TBC1D22A: variants seen among roughly 807,000 people sequenced by gnomAD.
The protein encoded by TBC1D22A is TBC1 domain family member 22A, also known as putative GTPase activator.
A neutral mutation model predicts 60.2 loss-of-function variants in TBC1D22A; 38 were observed. The ratio of observed to expected loss-of-function variants is 0.63; its 90% confidence interval spans 0.49 to 0.83. The LOEUF (loss-of-function observed/expected upper bound fraction) is 0.83. Among genes scored for constraint, TBC1D22A ranks in the 40% least tolerant of loss-of-function variants. The probability of loss-of-function intolerance (pLI) is 0.00; values close to 1 mark genes in which losing one functional copy is unlikely to be tolerated. For synonymous variants in TBC1D22A, 302 were observed against 281.7 expected, an observed-to-expected ratio of 1.07 and a Z score of -0.72; for missense variants, 628 against 701.0, an observed-to-expected ratio of 0.90 and a Z score of 1.18.
chr22:46,819,446 A>C (rs967337235), intron 4 of TBC1D22A, among the ~76,000 whole-genome samples: 24 of 151,936 alleles, frequency 1.6e-4, no homozygotes, highest in African/African-American at 5.8e-4. Flanking sequence ...ACATGAAGGG[A>C]TGTGATGTTG....
At chr22:46,981,562 A>G (rs558014665) in intron 9 of TBC1D22A, among the ~76,000 whole-genome samples, 10 of 152,326 alleles carry the variant, frequency 6.6e-5, no homozygotes, top group African/African-American at 2.4e-4. Context: ...TTCTCTTGAT[A>G]GTGAGTGAGT....
chr22:46,782,714 T>C (rs5767353), intron 1 of TBC1D22A, among the ~76,000 whole-genome samples: 80,629 of 152,022 alleles, frequency 0.53, 21,462 homozygotes, highest in Middle Eastern at 0.65. Flanking sequence ...CTGGATGTTG[T>C]ATGTCGGTGG....
In TBC1D22A at chr22:46,974,272, A is replaced by C; in HGVS notation, c.1016-18A>C. On this transcript the variant is annotated intron_variant, in intron 8 of 12. Coordinates refer to ENST00000337137, the MANE Select transcript of TBC1D22A (RefSeq NM_014346.5). Reference sequence around the variant, plus strand: ...GTGGCTAAGTCTCCTTGTCTTTTGCATGCTCGGCGCCGCCCAGAGGCAGAG... The same window carrying C: ...GTGGCTAAGTCTCCTTGTCTTTTGCCTGCTCGGCGCCGCCCAGAGGCAGAG... The C allele has an allele frequency of 6.4e-7, 1 of 1,569,370 alleles. No individual in the cohort carries two copies. Among genetic ancestry groups the C allele is most frequent in the Non-Finnish European group, 8.6e-7 (1 of 1,157,172 alleles).
At chr22:47,041,990 G>T (rs958076565) in intron 11 of TBC1D22A, among the ~76,000 whole-genome samples, 1 of 152,212 alleles carries the variant, frequency 6.6e-6, no homozygotes, top group Admixed American at 6.5e-5. Flanking sequence ...AGGCAAGATT[G>T]TCTCCCCAGC....
intron 12 of TBC1D22A, among the ~76,000 whole-genome samples, chr22:47,139,159 T>C (rs1469053663): frequency 6.6e-6 from 1 of 152,172 alleles, no homozygotes. Flanking sequence ...CGTCATGTGC[T>C]TTATTGCTTT....
At chr22:46,920,442 A>C (rs1478092410) in intron 8 of TBC1D22A, among the ~76,000 whole-genome samples, 1 of 152,096 alleles carries the variant, frequency 6.6e-6, no homozygotes, top group East Asian at 1.9e-4. Flanking sequence ...TTATACCTTA[A>C]CTTTTTAGAA....
chr22:46,802,380 C>T (rs2084935209), intron 4 of TBC1D22A, among the ~76,000 whole-genome samples: 1 of 142,876 alleles, frequency 7.0e-6, no homozygotes, highest in Non-Finnish European at 1.6e-5. Context: ...CTGCAGTTGG[C>T]TGTTTCTGGG....
intron 8 of TBC1D22A, 30 bp from the exon 9 acceptor site, chr22:46,974,260 C>A: frequency 6.4e-7 from 1 of 1,557,720 alleles, no homozygotes; most frequent in South Asian, 1.2e-5. Context: ...GCTAAGTCTC[C>A]TTGTCTTTTG....
At chr22:46,781,527 C>T (rs1203843763) in intron 1 of TBC1D22A, among the ~76,000 whole-genome samples, 1 of 152,122 alleles carries the variant, frequency 6.6e-6, no homozygotes. Context: ...CATGGGTGTC[C>T]TCGGGTTCCC....
chr22:46,773,601 G>C (rs1601806926), intron 1 of TBC1D22A, among the ~76,000 whole-genome samples: 1 of 152,232 alleles, frequency 6.6e-6, no homozygotes, highest in African/African-American at 2.4e-5. Flanking sequence ...AGTAGCTGGG[G>C]CTACAGGCTC....
At chr22:46,817,412 C>T (rs146698642) in intron 4 of TBC1D22A, among the ~76,000 whole-genome samples, 188 of 152,286 alleles carry the variant, frequency 1.2e-3, no homozygotes, top group Middle Eastern at 3.4e-3. Flanking sequence ...TCCCCTCACC[C>T]GCCCACCAAC....
intron 4 of TBC1D22A, among the ~76,000 whole-genome samples, chr22:46,836,882 G>C (rs1028892539): frequency 2.0e-5 from 3 of 152,094 alleles, no homozygotes; most frequent in Non-Finnish European, 4.4e-5. Context: ...CAAGAGGTTG[G>C]GTGCAGTGGC....
At chr22:46,945,382 A>C (rs1480958918) in intron 8 of TBC1D22A, among the ~76,000 whole-genome samples, 1 of 152,254 alleles carries the variant, frequency 6.6e-6, no homozygotes, top group East Asian at 1.9e-4. Context: ...ACGTTTATTT[A>C]GCACGTTGTT....
chr22:46,838,087 C>G (rs967187015), intron 4 of TBC1D22A, among the ~76,000 whole-genome samples: 1 of 152,068 alleles, frequency 6.6e-6, no homozygotes, highest in Non-Finnish European at 1.5e-5. Flanking sequence ...AATAAACAGC[C>G]CAACTTCTAC....
intron 4 of TBC1D22A, among the ~76,000 whole-genome samples, chr22:46,828,628 C>G (rs2086176066): frequency 2.0e-5 from 3 of 152,238 alleles, no homozygotes; most frequent in Admixed American, 2.0e-4. Flanking sequence ...TGAGCTTCTG[C>G]TTTCAGATCC....
At chr22:46,896,883 T>G (rs1203991036) in intron 7 of TBC1D22A, among the ~76,000 whole-genome samples, 1 of 152,118 alleles carries the variant, frequency 6.6e-6, no homozygotes, top group East Asian at 1.9e-4. Context: ...GTCTGTTTGG[T>G]TTATGACTGG....
intron 8 of TBC1D22A, among the ~76,000 whole-genome samples, chr22:46,971,064 T>C (rs1177327225): frequency 1.3e-5 from 2 of 152,140 alleles, no homozygotes; most frequent in African/African-American, 4.8e-5. Flanking sequence ...ACAATAAGGG[T>C]AATTCCAATT....
chr22:46,975,597 A>T (rs1373632403), intron 9 of TBC1D22A, among the ~76,000 whole-genome samples: 3 of 152,158 alleles, frequency 2.0e-5, no homozygotes, highest in African/African-American at 7.2e-5. Flanking sequence ...TGGGGTTGTC[A>T]CTTGACATCT....
At chr22:47,099,259 C>G (rs1029744075) in intron 11 of TBC1D22A, among the ~76,000 whole-genome samples, 1 of 152,086 alleles carries the variant, frequency 6.6e-6, no homozygotes, top group Admixed American at 6.6e-5. Context: ...GCTGTCTATT[C>G]ACATTACCAG....
Sources: gnomAD v4.1 joint callset for allele counts (sites outside exome capture counted in the v4.1 genomes callset) on GRCh38, gnomAD v4.1.1 for gene constraint, MANE v1.5 for transcripts, NCBI Gene and HGNC (gene_info 2026-07-23, HGNC 2026-07-21) for gene names.